LSP1: variants seen among roughly 807,000 people sequenced by gnomAD.
LSP1 encodes lymphocyte specific protein 1, also known as lymphocyte-specific protein 1.
LSP1 carries 32 observed loss-of-function variants against 49.3 expected under a neutral mutation model. That is an observed-to-expected ratio of 0.65 (90% confidence interval 0.49 to 0.87). The LOEUF is 0.87. Ranked by LOEUF, LSP1 falls within the 40% of genes least tolerant of loss-of-function variation. The pLI is 0.00. For synonymous variants in LSP1, 179 were observed against 178.8 expected (o/e 1.00, Z -0.01); for missense variants, 428 against 442.6 (o/e 0.97, Z 0.30).
intron 1 of LSP1, among the ~76,000 whole-genome samples, chr11:1,861,379 A>G (rs1462054936): frequency 6.6e-6 from 1 of 152,224 alleles, no homozygotes; most frequent in Non-Finnish European, 1.5e-5. Context: ...GACTTTGTTA[A>G]TGCTGAATCC....
intron 1 of LSP1, among the ~76,000 whole-genome samples, chr11:1,853,690 C>G (rs369921631): frequency 2.0e-5 from 3 of 152,202 alleles, no homozygotes; most frequent in Admixed American, 6.5e-5. Context: ...GCTTGGGGCC[C>G]AGCAGGCCTC....
chr11:1,872,956 C>A (rs994710250), intron 1 of LSP1, among the ~76,000 whole-genome samples: 8 of 151,910 alleles, frequency 5.3e-5, no homozygotes, highest in Non-Finnish European at 1.0e-4. Context: ...CCAAGTTGGA[C>A]AGCAGTCCCA....
chr11:1,860,295 T>TGATGGATG (rs55925827), intron 1 of LSP1, among the ~76,000 whole-genome samples: 11,442 of 151,020 alleles, frequency 0.076, 774 homozygotes, highest in African/African-American at 0.18. Flanking sequence ...GATAATTGAA[T>TGATGGATG]GATGGATGGA....
intron 1 of LSP1, chr11:1,876,308 G>C (rs1371209126): frequency 4.3e-6 from 1 of 234,334 alleles, no homozygotes; most frequent in African/African-American, 2.3e-5. Flanking sequence ...GAGGGGACCA[G>C]AGACCTCAGT....
chr11:1,854,405 G>A (rs1847437390), intron 1 of LSP1, among the ~76,000 whole-genome samples: 1 of 152,188 alleles, frequency 6.6e-6, no homozygotes, highest in Non-Finnish European at 1.5e-5. Flanking sequence ...GGCGGTGCAG[G>A]GACCACCTCC....
chr11:1,853,114 C>T lies in LSP1; in HGVS notation c.-31C>T. The T allele has an allele frequency of 6.2e-7, 1 of 1,602,220 alleles. No homozygotes were observed. The highest frequency in any genetic ancestry group is 1.1e-5 in the South Asian group (1 of 88,898). ...ACGTACACCCACTCCAGGGATCTGC[C>T]AGCACCCTGTGGGGCCCAGACTACA... On this transcript the variant is annotated 5_prime_UTR_variant, in exon 1 of 11. Coordinates refer to ENST00000311604, the MANE Select transcript of LSP1 (RefSeq NM_002339.3).
At chr11:1,875,014 G>A (rs1296724103) in intron 1 of LSP1, among the ~76,000 whole-genome samples, 1 of 152,148 alleles carries the variant, frequency 6.6e-6, no homozygotes, top group Non-Finnish European at 1.5e-5. Flanking sequence ...CCTGTGTGAT[G>A]GGGTGGGGCC....
intron 7 of LSP1, among the ~76,000 whole-genome samples, chr11:1,885,984 C>T (rs1848733370): frequency 6.6e-6 from 1 of 151,992 alleles, no homozygotes; most frequent in African/African-American, 2.4e-5. Context: ...ACCAATATTC[C>T]TCCATCCAAT....
At chr11:1,890,729 C>T in intron 10 of LSP1, 1 of 604,906 alleles carries the variant, frequency 1.7e-6, no homozygotes, top group Non-Finnish European at 2.9e-6. Context: ...GCACCCAGAA[C>T]CTGCCAGGGA....
At chr11:1,868,966 G>A in intron 1 of LSP1, 1 of 986,226 alleles carries the variant, frequency 1.0e-6, no homozygotes, top group Non-Finnish European at 1.2e-6. Flanking sequence ...TGAGCATCCG[G>A]CTCAGAGCGG....
chr11:1,887,455 T>C lies in LSP1; in HGVS notation c.931-19T>C, dbSNP rs762652063. 1.9e-6 allele frequency: 3 copies of C among 1,610,802 alleles called. No homozygotes were observed. In the East Asian group the frequency reaches 6.7e-5, roughly 36 times the overall value. On this transcript the variant is annotated intron_variant, in intron 9 of 10. Transcript: ENST00000311604. ...TTTCTGCTGCTCTCACCTTCACTCT[T>C]GGTCTCCTTTCCCAACAGAGCACCC...
chr11:1,887,674 G>T (rs1031964176), intron 10 of LSP1, 98 bp downstream of exon 10: 1 of 923,720 alleles, frequency 1.1e-6, no homozygotes. Flanking sequence ...CCTGTTGCAG[G>T]CTACAAGGGT....
intron 1 of LSP1, among the ~76,000 whole-genome samples, chr11:1,869,999 C>T (rs114855430): frequency 1.2e-4 from 19 of 152,240 alleles, no homozygotes; most frequent in African/African-American, 3.1e-4. Flanking sequence ...GGGACCCCTG[C>T]GTGAGACGTG....
chr11:1,859,256 G>A (rs906652715), intron 1 of LSP1, among the ~76,000 whole-genome samples: 7 of 152,088 alleles, frequency 4.6e-5, no homozygotes, highest in South Asian at 2.1e-4. Context: ...TCTGTCCACT[G>A]GGGCAGGGGG....
intron 10 of LSP1, chr11:1,889,454 AGGCACCTCCTGCTCTGTGGGGGTG>A (rs1425589143): frequency 4.7e-6 from 3 of 639,408 alleles, no homozygotes; most frequent in East Asian, 2.8e-5. Context: ...CTGTGGGGGC[AGGCACCTCCTGCTCTGTGGGGGTG>A]GGCACCTCTG....
chr11:1,873,855 A>T (rs1221562250), intron 1 of LSP1, among the ~76,000 whole-genome samples: 1 of 133,602 alleles, frequency 7.5e-6, no homozygotes, highest in African/African-American at 2.9e-5. Flanking sequence ...CCGGCAGAGG[A>T]GGGAGGCTGG....
intron 1 of LSP1, chr11:1,868,702 C>T (rs771545463): frequency 8.4e-5 from 83 of 985,662 alleles, no homozygotes; most frequent in South Asian, 1.4e-4. Flanking sequence ...GGACAGAGCC[C>T]GTCCTGCCCA....
In LSP1 at chr11:1,884,871, C is replaced by T. The variant is rs1848692433; in HGVS notation, c.717+290C>T. The stretch of plus-strand genomic sequence containing the variant: ...ATCCAATTAATGTTCCTTTATACAA[C>T]CAATACTCCTGCAACCAATACTCCT... On this transcript the variant is annotated intron_variant, in intron 7 of 10. Transcript: ENST00000311604. This position sits in a 1 kb window ranked among gnomAD's most constrained non-coding sequence, Gnocchi z 4.1. Among the ~76,000 whole-genome samples, 1 of 152,024 alleles carries T rather than the reference C, an allele frequency of 6.6e-6. No individual in the cohort carries two copies. Among genetic ancestry groups the T allele is most frequent in the African/African-American group, 2.4e-5 (1 of 41,390 alleles).
rs201600695 is a variant in LSP1, at chr11:1,881,418, C to A, written c.192-14C>A. ...GCAGCCGCCCAGGCCTAAGCTCCCC[C>A]CTGCTACCCTCAGCCTCAGCCTGAA... On this transcript the variant is annotated splice_polypyrimidine_tract_variant and intron_variant, in intron 2 of 10. Transcript: ENST00000311604. 10 of 1,558,834 alleles carry A rather than the reference C, an allele frequency of 6.4e-6. No individual in the cohort carries two copies. The East Asian group carries it at 7.2e-5, about 11-fold the overall frequency.
Sources: gnomAD v4.1 joint callset for allele counts (sites outside exome capture counted in the v4.1 genomes callset) on GRCh38, gnomAD v4.1.1 for gene constraint, Gnocchi (gnomAD v3.1) non-coding constraint, MANE v1.5 for transcripts, NCBI Gene and HGNC (gene_info 2026-07-23, HGNC 2026-07-21) for gene names.